The following JAML variants were observed in gnomAD, a reference collection of about 807,000 sequenced individuals.
JAML encodes junction adhesion molecule like.
In JAML, 25 loss-of-function variants were observed where a neutral mutation model predicts 39.3. That is an observed-to-expected ratio of 0.64 (90% CI 0.46 to 0.89). The LOEUF (loss-of-function observed/expected upper bound fraction) is 0.89, where lower values mean the gene tolerates loss of function less well. Ranked by LOEUF, JAML falls within the 40% of genes least tolerant of loss-of-function variation. The probability of loss-of-function intolerance (pLI) is 0.00; values close to 1 mark genes in which losing one functional copy is unlikely to be tolerated. For synonymous variants in JAML, 162 were observed against 179.2 expected (o/e 0.90, Z 0.77); for missense variants, 440 against 486.9 (o/e 0.90, Z 0.91).
chr11:118,206,991 T>C (rs1490274207), intron 4 of JAML, among the ~76,000 whole-genome samples: 2 of 152,170 alleles, frequency 1.3e-5, no homozygotes, highest in Non-Finnish European at 2.9e-5. Context: ...ACAGAGTGCA[T>C]AAGCCACCCT....
At chr11:118,216,893 C>A (rs1009410335) in intron 1 of JAML, among the ~76,000 whole-genome samples, 5 of 152,174 alleles carry the variant, frequency 3.3e-5, no homozygotes, top group African/African-American at 1.2e-4. Flanking sequence ...CTCCGTGCCA[C>A]CCACCTTGCC....
intron 3 of JAML, 121 bp downstream of exon 3, chr11:118,212,286 T>G (rs970494451): frequency 7.8e-7 from 1 of 1,282,730 alleles, no homozygotes; most frequent in Non-Finnish European, 1.1e-6. Context: ...TCTGATAATC[T>G]CCAAAGCCCC....
intron 8 of JAML, chr11:118,197,082 C>G: frequency 2.6e-6 from 1 of 380,508 alleles, no homozygotes; most frequent in Non-Finnish European, 4.9e-6. Flanking sequence ...GTTTAGGTAG[C>G]AGCAGGGGTT....
At chr11:118,212,931 G>C (rs769391742) in intron 2 of JAML, 7 of 1,614,080 alleles carry the variant, frequency 4.3e-6, no homozygotes, top group Non-Finnish European at 5.9e-6. Flanking sequence ...GACGAAATGG[G>C]TTGTTCCTTG....
intron 8 of JAML, 35 bp from the exon 9 acceptor site, chr11:118,196,856 A>G: frequency 6.5e-7 from 1 of 1,541,184 alleles, no homozygotes; most frequent in Non-Finnish European, 9.0e-7. Context: ...ATTCCTAAAA[A>G]TTAGATGAAT....
chr11:118,210,569 A>G lies in JAML; in HGVS notation c.342T>C (p.Tyr114=). The G allele has an allele frequency of 1.2e-6, 2 of 1,614,218 alleles. No homozygotes were observed. The highest frequency in any genetic ancestry group is 2.2e-5 in the East Asian group (1 of 44,886). ...QDVQEADQGT[Y]ICEIRLKGES... is the part of the protein sequence containing the mutation. ...CCCCTTTGAGGCGGATTTCACAGAT[A>G]TAGGTTCCCTGGTCAGCCTCTTGCA... Residue 114 remains tyrosine, a synonymous_variant, in exon 4 of 10, where the codon TAT becomes TAC. Coordinates refer to ENST00000356289, the MANE Select transcript of JAML (RefSeq NM_001098526.2).
At chr11:118,215,907 T>A (rs1949134224) in intron 1 of JAML, among the ~76,000 whole-genome samples, 1 of 152,148 alleles carries the variant, frequency 6.6e-6, no homozygotes, top group Non-Finnish European at 1.5e-5. Flanking sequence ...TCCCACCTGC[T>A]ACTGCTCCTG....
chr11:118,208,115 T>A (rs1471729924), intron 4 of JAML, among the ~76,000 whole-genome samples: 1 of 151,814 alleles, frequency 6.6e-6, no homozygotes, highest in African/African-American at 2.4e-5. Context: ...CCTATGGACC[T>A]AGCTACTCGG....
Position 118,222,589 on chromosome 11 carries a change from G to GA in JAML, c.-21+2351dup, listed in dbSNP as rs1371326481. 1.3e-5 allele frequency among the ~76,000 whole-genome samples: 2 copies of GA among 152,096 alleles called. No homozygotes were observed. The highest frequency in any genetic ancestry group is 2.1e-4 in the South Asian group (1 of 4,830). ...GAAACTAAAATCAAACATTTTATCAGAAAAAATTGAAACTTTAATCTCTTT... is the reference window on the plus strand; with the variant it reads ...GAAACTAAAATCAAACATTTTATCAGAAAAAAATTGAAACTTTAATCTCTTT... On this transcript the variant is annotated intron_variant, in intron 1 of 9. Coordinates refer to ENST00000356289, the MANE Select transcript of JAML (RefSeq NM_001098526.2). This position sits in a 1 kb window ranked among gnomAD's most constrained non-coding sequence, Gnocchi z 4.2.
At chr11:118,200,325 G>A in intron 7 of JAML, 149 bp downstream of exon 7, 1 of 924,536 alleles carries the variant, frequency 1.1e-6, no homozygotes, top group Non-Finnish European at 1.6e-6. Context: ...TAAGCAAAGT[G>A]GGCAGGGTTA....
intron 9 of JAML, 116 bp from the exon 10 acceptor site, chr11:118,194,533 A>G (rs557717236): frequency 3.9e-6 from 3 of 767,476 alleles, no homozygotes. Flanking sequence ...TGAATTTCAT[A>G]TGCATTATCT....
At chr11:118,210,012 G>T (rs1005280618) in intron 4 of JAML, among the ~76,000 whole-genome samples, 3 of 152,120 alleles carry the variant, frequency 2.0e-5, no homozygotes, top group African/African-American at 4.8e-5. Flanking sequence ...TTACAGGCAT[G>T]AGCCACTGAG....
intron 3 of JAML, 96 bp downstream of exon 3, chr11:118,212,311 C>T: frequency 6.8e-7 from 1 of 1,467,770 alleles, no homozygotes; most frequent in Non-Finnish European, 9.2e-7. Context: ...CTTGCAACAC[C>T]TCCTGGTGGC....
At chr11:118,218,809 A>T (rs960311026) in intron 1 of JAML, among the ~76,000 whole-genome samples, 3 of 128,806 alleles carry the variant, frequency 2.3e-5, no homozygotes, top group African/African-American at 1.5e-4. Context: ...TTCAGTTTTA[A>T]AAAAAATCCA....
intron 9 of JAML, among the ~76,000 whole-genome samples, chr11:118,196,132 C>CTTT (rs748213507): frequency 7.6e-6 from 1 of 132,028 alleles, no homozygotes; most frequent in Admixed American, 7.7e-5. Context: ...CATGCTCGGC[C>CTTT]TTTTTTTTTT....
Position 118,222,052 on chromosome 11 carries a change from G to GAACTCCAT in JAML, c.-21+2881_-21+2888dup, listed in dbSNP as rs1378945306. Among the ~76,000 whole-genome samples the GAACTCCAT allele has an allele frequency of 6.6e-6, 1 of 152,154 alleles. No individual in the cohort carries two copies. The highest frequency in any genetic ancestry group is 1.5e-5 in the Non-Finnish European group (1 of 68,022). The stretch of plus-strand genomic sequence containing the variant: ...GATTTTTATAGGATTTTTATTTTGA[G>GAACTCCAT]AACTCCATAGTCAGAAATCAACTTA... On this transcript the variant is annotated intron_variant, in intron 1 of 9. Transcript: ENST00000356289. The surrounding 1 kb of genome is among the most constrained non-coding windows in gnomAD (Gnocchi z 4.2).
chr11:118,223,448 T>C (rs1330296273), intron 1 of JAML, among the ~76,000 whole-genome samples: 1 of 152,224 alleles, frequency 6.6e-6, no homozygotes, highest in Non-Finnish European at 1.5e-5. Flanking sequence ...CTAACATTAA[T>C]AATATACTAA....
chr11:118,216,365 T>C (rs1445420544), intron 1 of JAML, among the ~76,000 whole-genome samples: 3 of 120,904 alleles, frequency 2.5e-5, no homozygotes, highest in African/African-American at 1.5e-4. Context: ...CGAGACTCTG[T>C]CTCAAAAAAA....
At chr11:118,214,767 A>C in intron 2 of JAML, 57 bp downstream of exon 2, 2 of 1,552,774 alleles carry the variant, frequency 1.3e-6, no homozygotes, top group South Asian at 2.3e-5. Flanking sequence ...GCTTTTAATA[A>C]TGCACAGAAC....
Sources: allele counts gnomAD v4.1 joint callset (sites outside exome capture counted in the v4.1 genomes callset), GRCh38; gene constraint gnomAD v4.1.1; non-coding constraint Gnocchi (gnomAD v3.1); transcripts MANE v1.5; gene names NCBI Gene and HGNC (gene_info 2026-07-23, HGNC 2026-07-21).